Variants in SFTPB observed in about 807,000 individuals in gnomAD.
SFTPB encodes pulmonary surfactant-associated protein B.
In SFTPB, 32 loss-of-function variants were observed where a neutral mutation model predicts 51.0. The observed-to-expected ratio is 0.63, with a 90% CI of 0.47 to 0.84. The LOEUF is 0.84. Ranked by LOEUF, SFTPB falls within the 40% of genes least tolerant of loss-of-function variation. SFTPB has a pLI of 0.00. For missense variants in SFTPB, 431 were observed against 491.2 expected, an observed-to-expected ratio of 0.88 and a Z score of 1.16; for synonymous variants, 211 against 208.5, an observed-to-expected ratio of 1.01 and a Z score of -0.10.
chr2:85,665,252 T>C (rs1573474523), intron 6 of SFTPB, 37 bp downstream of exon 6: 2 of 1,447,640 alleles, frequency 1.4e-6, no homozygotes, highest in African/African-American at 1.4e-5. Context: ...CAGGTATGCG[T>C]GTGCTCCTGG....
At chr2:85,661,203 G>A (rs1330646577) in intron 10 of SFTPB, 8 of 393,038 alleles carry the variant, frequency 2.0e-5, no homozygotes, top group Non-Finnish European at 2.4e-5. Flanking sequence ...GCGGGGGGTT[G>A]GGGGGGAAGC....
At chr2:85,665,202 G>A (rs1677510103) in intron 6 of SFTPB, 87 bp downstream of exon 6, 1 of 1,018,456 alleles carries the variant, frequency 9.8e-7, no homozygotes. Flanking sequence ...GTCCTGACGG[G>A]GGTGTGAGTT....
At chr2:85,661,595 T>A in intron 9 of SFTPB, 60 bp from the exon 10 acceptor site, 1 of 1,429,700 alleles carries the variant, frequency 7.0e-7, no homozygotes. Flanking sequence ...CACACCCAGC[T>A]CTTCCGGGAA....
Position 85,663,786 on chromosome 2 carries a change from A to T in SFTPB, c.734T>A (p.Ile245Asn). 1.2e-6 allele frequency: 2 copies of T among 1,603,294 alleles called. No homozygotes were observed. The highest frequency in any genetic ancestry group is 8.5e-7 in the Non-Finnish European group (1 of 1,176,156). Residue 245 changes from isoleucine (I) to asparagine (N), a missense_variant, in exon 7 of 11, where the codon ATC (isoleucine) becomes AAC (asparagine). Coordinates refer to ENST00000519937, the MANE Select transcript of SFTPB (RefSeq NM_000542.5). ...CRVVPLVAGGICQCLAERYSV... is the reference protein window; with the variant it reads ...CRVVPLVAGGNCQCLAERYSV... Reference sequence around the variant, plus strand: ...GTAGCGCTCAGCCAGGCACTGGCAGATGCCGCCCGCCACCAGAGGTACCAC... The same window carrying T: ...GTAGCGCTCAGCCAGGCACTGGCAGTTGCCGCCCGCCACCAGAGGTACCAC...
In SFTPB at chr2:85,663,734, C is replaced by G. The variant is rs138686998; in HGVS notation, c.786G>C (p.Leu262=). 8.7e-6 allele frequency: 14 copies of G among 1,611,224 alleles called. No homozygotes were observed. The African/African-American group carries it at 1.9e-4, about 22-fold the overall frequency. ...RYSVILLDTL[L]GRMLPQLVCR... ...AGACCAGCTGGGGCAGCATGCGGCC[C>G]AGCAGCGTGTCGAGCAGGATGACGG... The change falls in exon 7 of 11, where the codon CTG becomes CTC. Residue 262 remains leucine (L), a synonymous_variant. Transcript: ENST00000519937.
At chr2:85,665,486 G>T in intron 5 of SFTPB, 108 bp from the exon 6 acceptor site, 5 of 1,442,874 alleles carry the variant, frequency 3.5e-6, no homozygotes, top group Non-Finnish European at 4.9e-6. Flanking sequence ...CTTAGGCCCT[G>T]CCTGGAGCTT....
chr2:85,666,423 T>TTGTGTGTGTG (rs34334231), intron 4 of SFTPB, 194 bp downstream of exon 4: 1 of 418,730 alleles, frequency 2.4e-6, no homozygotes, highest in South Asian at 2.2e-5. Context: ...AGCTGGGGTG[T>TTGTGTGTGTG]TGTGTGTGTG....
At chr2:85,666,519 G>C (rs944122367) in intron 4 of SFTPB, 98 bp downstream of exon 4, 16 of 1,193,392 alleles carry the variant, frequency 1.3e-5, no homozygotes, top group African/African-American at 6.1e-5. Context: ...GTGTGTGTGT[G>C]TGTCTGGCTG....
At position 85,658,471 on chromosome 2, in the gene SFTPB, A is replaced by C. The variant is rs1421681505; in HGVS notation, c.*1231T>G. The stretch of plus-strand genomic sequence containing the variant: ...AGGTAGGCCTGGGCCCGCTGACTTC[A>C]GGGTGAGGCCACAGCTACTGCAGCG... On this transcript the variant is annotated 3_prime_UTR_variant, in exon 11 of 11. Coordinates refer to ENST00000519937, the MANE Select transcript of SFTPB (RefSeq NM_000542.5). 3 of 152,224 alleles carry C rather than the reference A, an allele frequency of 2.0e-5. No individual in the cohort carries two copies. The highest frequency in any genetic ancestry group is 4.4e-5 in the Non-Finnish European group (3 of 68,114). 9.4% of individuals were successfully genotyped at this position (152,224 alleles called of 1,614,324 possible).
At chr2:85,661,663 C>A (rs1275982963) in intron 9 of SFTPB, 128 bp from the exon 10 acceptor site, 2 of 747,286 alleles carry the variant, frequency 2.7e-6, no homozygotes, top group Non-Finnish European at 4.5e-6. Context: ...ACTCTGTAGA[C>A]CCCTCGGGCC....
chr2:85,667,216 TG>T (rs1677694903), intron 2 of SFTPB, 39 bp from the exon 3 acceptor site: 1 of 1,471,374 alleles, frequency 6.8e-7, no homozygotes, highest in Non-Finnish European at 9.5e-7. Context: ...GACACATGAG[TG>T]GGGGAGGCTC....
chr2:85,663,992 T>C, intron 6 of SFTPB, 145 bp from the exon 7 acceptor site: 2 of 790,510 alleles, frequency 2.5e-6, no homozygotes, highest in Non-Finnish European at 4.0e-6. Flanking sequence ...ATAAGGACAC[T>C]GGGGATCAGA....
In SFTPB at chr2:85,662,014, G is replaced by A. The variant is rs1412236962; in HGVS notation, c.1083+15C>T. On this transcript the variant is annotated intron_variant, in intron 9 of 10. Coordinates refer to ENST00000519937, the MANE Select transcript of SFTPB (RefSeq NM_000542.5). ...CAAGGGAAGTCCTAGGACCAACTGG[G>A]AGGGGTGGGTGTACCTGGCAGGTGG... is the stretch of plus-strand genomic sequence containing the variant. 2 of 1,589,788 alleles carry A rather than the reference G, an allele frequency of 1.3e-6. No individual in the cohort carries two copies. Among genetic ancestry groups the A allele is most frequent in the Admixed American group, 3.7e-5 (2 of 54,318 alleles).
At chr2:85,668,628 C>G (rs1004628102), upstream of SFTPB, 10 of 199,516 alleles carry the variant, frequency 5.0e-5, no homozygotes, top group Non-Finnish European at 8.3e-5. Flanking sequence ...TAACCCAGGG[C>G]AAGCCCTGGA....
At chr2:85,667,016 G>T in intron 3 of SFTPB, 90 bp downstream of exon 3, 1 of 1,240,264 alleles carries the variant, frequency 8.1e-7, no homozygotes, top group Non-Finnish European at 1.2e-6. Context: ...CCTCAGCCTG[G>T]AAATGGCCCC....
intron 10 of SFTPB, among the ~76,000 whole-genome samples, chr2:85,660,496 C>G (rs1038583370): frequency 5.3e-5 from 7 of 131,292 alleles, no homozygotes; most frequent in African/African-American, 2.1e-4. Context: ...GTTGCCTAGG[C>G]TAGAGTGCAG....
chr2:85,668,549 C>A (rs1225927455), upstream of SFTPB: 8 of 334,626 alleles, frequency 2.4e-5, no homozygotes, highest in South Asian at 4.7e-5. Context: ...CCCCTCCCAT[C>A]CCCTCCCTGG....
intron 9 of SFTPB, among the ~76,000 whole-genome samples, 194 bp from the exon 10 acceptor site, chr2:85,661,729 C>T (rs1236410476): frequency 6.6e-6 from 1 of 152,156 alleles, no homozygotes; most frequent in Non-Finnish European, 1.5e-5. Context: ...GATGTTCACT[C>T]CAGAACACCC....
At position 85,657,316 on chromosome 2, in the gene SFTPB, G is replaced by A. The variant is rs1483188117; in HGVS notation, c.*2386C>T. ...GTTCTTCAAACATTGGCTCTTCATT[G>A]TCTCAATCAAACTTTTTTGTTTTTA... On this transcript the variant is annotated 3_prime_UTR_variant, in exon 11 of 11. Coordinates refer to ENST00000519937, the MANE Select transcript of SFTPB (RefSeq NM_000542.5). 2.6e-5 allele frequency: 4 copies of A among 152,096 alleles called. No homozygotes were observed. The East Asian group carries it at 5.8e-4, about 22-fold the overall frequency. The allele number at this position is 152,096 out of a possible 1,614,324, so 9.4% of individuals were successfully genotyped here. A position where few individuals can be genotyped will look rare whatever the true frequency, so the allele number is the denominator to read the frequency against.
Sources: allele counts gnomAD v4.1 joint callset (sites outside exome capture counted in the v4.1 genomes callset), GRCh38; gene constraint gnomAD v4.1.1; transcripts MANE v1.5; gene names NCBI Gene and HGNC (gene_info 2026-07-23, HGNC 2026-07-21).